BCAS3: variants seen among roughly 807,000 people sequenced by gnomAD.
The protein encoded by BCAS3 is BCAS4/BCAS3 fusion.
BCAS3 carries 53 observed loss-of-function variants against 116.1 expected under a neutral mutation model. The ratio of observed to expected loss-of-function variants is 0.46; its 90% CI spans 0.37 to 0.57. The LOEUF (loss-of-function observed/expected upper bound fraction) is 0.57, where lower values mean the gene tolerates loss of function less well. Among genes scored for constraint, BCAS3 ranks in the 20% least tolerant of loss-of-function variants. BCAS3 has a pLI of 0.00. For synonymous variants in BCAS3, 391 were observed against 408.2 expected, an observed-to-expected ratio of 0.96 and a Z score of 0.51; for missense variants, 917 against 1,165.4, an observed-to-expected ratio of 0.79 and a Z score of 3.10.
At chr17:60,812,547 C>T (rs1448243370) in intron 7 of BCAS3, among the ~76,000 whole-genome samples, 3 of 151,990 alleles carry the variant, frequency 2.0e-5, no homozygotes, top group Admixed American at 6.5e-5. Context: ...GGGAGTGGTC[C>T]TAGAAGAGAT....
intron 22 of BCAS3, among the ~76,000 whole-genome samples, chr17:61,277,262 C>A (rs374036868): frequency 3.9e-3 from 399 of 101,690 alleles, no homozygotes; most frequent in South Asian, 6.5e-3. Flanking sequence ...GACCCTGTAT[C>A]AAAAAAAAAA....
At chr17:61,055,971 C>T (rs146532676) in intron 19 of BCAS3, among the ~76,000 whole-genome samples, 1 of 152,302 alleles carries the variant, frequency 6.6e-6, no homozygotes, top group Non-Finnish European at 1.5e-5. Context: ...CAGGATGGCT[C>T]TGGAGGTTAT....
intron 12 of BCAS3, among the ~76,000 whole-genome samples, chr17:60,923,802 G>A (rs1407046292): frequency 1.3e-5 from 2 of 152,048 alleles, no homozygotes; most frequent in Non-Finnish European, 2.9e-5. Context: ...AGATACAGAG[G>A]TACCTATTCT....
chr17:61,166,088 A>AT (rs1371694007), intron 22 of BCAS3, among the ~76,000 whole-genome samples: 1 of 152,238 alleles, frequency 6.6e-6, no homozygotes, highest in Non-Finnish European at 1.5e-5. Flanking sequence ...ACTGAATCTC[A>AT]TAAGTTTTTC....
chr17:60,924,513 T>C lies in BCAS3; in HGVS notation c.1087+13T>C. 2 of 1,495,724 alleles carry C rather than the reference T, an allele frequency of 1.3e-6. No homozygotes were observed. Among genetic ancestry groups the C allele is most frequent in the South Asian group, 1.2e-5 (1 of 80,960 alleles). The allele number at this position is 1,495,724 out of a possible 1,614,324, so 92.7% of individuals were successfully genotyped here. A position where few individuals can be genotyped will look rare whatever the true frequency, so the allele number is the denominator to read the frequency against. On this transcript the variant is annotated intron_variant, in intron 13 of 23. Transcript: ENST00000407086. ...TTTAATACAAGTGGTAAGTTCGCTCTCTGTCTTTTTTTTTTTTTTTTTTGT... is the reference window on the plus strand; with the variant it reads ...TTTAATACAAGTGGTAAGTTCGCTCCCTGTCTTTTTTTTTTTTTTTTTTGT...
At position 61,083,533 on chromosome 17, in the gene BCAS3, T is replaced by C. The variant is rs1015502574; in HGVS notation, c.2328-934T>C. The stretch of plus-strand genomic sequence containing the variant: ...AATCTTCCAGATACTTTTATGTTAA[T>C]AGTATTTATTCTAATGCAGCTAGAA... On this transcript the variant is annotated intron_variant, in intron 21 of 23. Coordinates refer to ENST00000407086, the MANE Select transcript of BCAS3 (RefSeq NM_017679.5). This position sits in a 1 kb window ranked among gnomAD's most constrained non-coding sequence, Gnocchi z 4.9. Among the ~76,000 whole-genome samples the C allele has an allele frequency of 6.6e-6, 1 of 152,164 alleles. No homozygotes were observed. Among genetic ancestry groups the C allele is most frequent in the Non-Finnish European group, 1.5e-5 (1 of 68,030 alleles).
chr17:61,335,542 C>T (rs915322917), intron 22 of BCAS3, among the ~76,000 whole-genome samples: 3 of 152,142 alleles, frequency 2.0e-5, no homozygotes, highest in Non-Finnish European at 4.4e-5. Context: ...TGCAGGAGAG[C>T]ATCCACTCCC....
intron 15 of BCAS3, among the ~76,000 whole-genome samples, chr17:60,999,991 T>C (rs1356379321): frequency 6.6e-6 from 1 of 152,198 alleles, no homozygotes; most frequent in Non-Finnish European, 1.5e-5. Context: ...CTACTGATTT[T>C]TGTATCCTGA....
intron 4 of BCAS3, among the ~76,000 whole-genome samples, chr17:60,702,402 C>T (rs1166156673): frequency 6.6e-6 from 1 of 152,114 alleles, no homozygotes; most frequent in Non-Finnish European, 1.5e-5. Flanking sequence ...TTGAATACCA[C>T]GATGGGACCC....
chr17:60,761,215 A>AT (rs1267292641), intron 6 of BCAS3, among the ~76,000 whole-genome samples: 3 of 151,788 alleles, frequency 2.0e-5, no homozygotes, highest in Non-Finnish European at 2.9e-5. Flanking sequence ...GATTTTATGA[A>AT]TTTTTTTATT....
intron 6 of BCAS3, among the ~76,000 whole-genome samples, chr17:60,787,537 T>C (rs1032720520): frequency 1.3e-5 from 2 of 152,178 alleles, no homozygotes; most frequent in African/African-American, 4.8e-5. Context: ...TTTTGCATCA[T>C]AGAGTTAACA....
intron 22 of BCAS3, among the ~76,000 whole-genome samples, chr17:61,138,994 T>C (rs2076786924): frequency 1.3e-5 from 2 of 152,330 alleles, no homozygotes; most frequent in South Asian, 2.1e-4. Flanking sequence ...AGCTGTAATC[T>C]TCAAGTTATT....
At chr17:61,193,531 G>A (rs539248764) in intron 22 of BCAS3, among the ~76,000 whole-genome samples, 1 of 151,932 alleles carries the variant, frequency 6.6e-6, no homozygotes, top group Non-Finnish European at 1.5e-5. Flanking sequence ...GCCGAGATGG[G>A]TGGATCACCT....
At position 61,181,463 on chromosome 17, in the gene BCAS3, A is replaced by G. The variant is rs541971256; in HGVS notation, c.2425+96899A>G. ...TGAACCTTTGCTTGACCATTTATGG[A>G]CCAATACACCCAGAAACAGTCTTTT... On this transcript the variant is annotated intron_variant, in intron 22 of 23. Coordinates refer to ENST00000407086, the MANE Select transcript of BCAS3 (RefSeq NM_017679.5). The surrounding 1 kb of genome is among the most constrained non-coding windows in gnomAD (Gnocchi z 5.0). Among the ~76,000 whole-genome samples the G allele has an allele frequency of 1.0e-3, 157 of 152,326 alleles. 1 individual carries two copies. Among genetic ancestry groups the G allele is most frequent in the African/African-American group, 3.6e-3 (149 of 41,586 alleles).
At position 61,278,711 on chromosome 17, in the gene BCAS3, T is replaced by C. The variant is rs115014784; in HGVS notation, c.2426-89616T>C. ...CAGCAAAGATCAGCCTTGAAAATATTTGTGACTGGAAGAACCAGCCAGTAT... is the reference window on the plus strand; with the variant it reads ...CAGCAAAGATCAGCCTTGAAAATATCTGTGACTGGAAGAACCAGCCAGTAT... On this transcript the variant is annotated intron_variant, in intron 22 of 23. Transcript: ENST00000407086. The surrounding 1 kb of genome is among the most constrained non-coding windows in gnomAD (Gnocchi z 5.8). Among the ~76,000 whole-genome samples, 285 of 152,254 alleles carry C rather than the reference T, an allele frequency of 1.9e-3. 2 individuals carry two copies. Among genetic ancestry groups the C allele is most frequent in the African/African-American group, 6.8e-3 (281 of 41,552 alleles).
In BCAS3 at chr17:61,140,287, G is replaced by T. The variant is rs2076849490; in HGVS notation, c.2425+55723G>T. The stretch of plus-strand genomic sequence containing the variant: ...ACATACACATACTGGACCAATTTGG[G>T]AAAGTACGGAAGTTTGCTTTGAATA... On this transcript the variant is annotated intron_variant, in intron 22 of 23. Coordinates refer to ENST00000407086, the MANE Select transcript of BCAS3 (RefSeq NM_017679.5). This position sits in a 1 kb window ranked among gnomAD's most constrained non-coding sequence, Gnocchi z 4.2. Among the ~76,000 whole-genome samples the T allele has an allele frequency of 6.6e-6, 1 of 152,150 alleles. No individual in the cohort carries two copies. Among genetic ancestry groups the T allele is most frequent in the Non-Finnish European group, 1.5e-5 (1 of 68,034 alleles).
chr17:61,187,255 G>A (rs1440122165), intron 22 of BCAS3, among the ~76,000 whole-genome samples: 1 of 152,174 alleles, frequency 6.6e-6, no homozygotes, highest in African/African-American at 2.4e-5. Flanking sequence ...AATACTCTCA[G>A]CATGAGGCTT....
At chr17:60,975,694 C>T (rs1363991958) in intron 14 of BCAS3, among the ~76,000 whole-genome samples, 6 of 152,202 alleles carry the variant, frequency 3.9e-5, no homozygotes, top group Non-Finnish European at 5.9e-5. Context: ...AAGTCACTCT[C>T]CATCCCCCTC....
intron 6 of BCAS3, among the ~76,000 whole-genome samples, chr17:60,795,990 G>T (rs778171562): frequency 6.6e-6 from 1 of 152,026 alleles, no homozygotes; most frequent in Non-Finnish European, 1.5e-5. Context: ...ACTCCCTGCC[G>T]TGATTTTTGT....
Sources: allele counts gnomAD v4.1 joint callset (sites outside exome capture counted in the v4.1 genomes callset), GRCh38; gene constraint gnomAD v4.1.1; non-coding constraint Gnocchi (gnomAD v3.1); transcripts MANE v1.5; gene names NCBI Gene and HGNC (gene_info 2026-07-23, HGNC 2026-07-21).